The following SREBF2 variants were observed in gnomAD, a reference collection of about 807,000 sequenced individuals.
SREBF2 encodes sterol regulatory element binding transcription factor 2.
A neutral mutation model predicts 113.1 loss-of-function variants in SREBF2; 55 were observed. That is an observed-to-expected ratio of 0.49 (90% CI 0.39 to 0.61). The LOEUF (loss-of-function observed/expected upper bound fraction) is 0.61. Among genes scored for constraint, SREBF2 ranks in the 20% least tolerant of loss-of-function variants. The pLI is 0.00. For missense variants in SREBF2, 1,349 were observed against 1,487.4 expected (o/e 0.91, Z 1.53); for synonymous variants, 593 against 605.7 (o/e 0.98, Z 0.31).
At chr22:41,835,530 C>T (rs1156733502) in intron 1 of SREBF2, among the ~76,000 whole-genome samples, 2 of 152,010 alleles carry the variant, frequency 1.3e-5, no homozygotes, top group Admixed American at 6.6e-5. Flanking sequence ...GGCTGGTCTC[C>T]AACTCCCAAC....
Position 41,906,190 on chromosome 22 carries a change from C to G in SREBF2, c.*530C>G. ...TTGATTCTCTCCCTGGGTCTGCGTT[C>G]CCTCCCCTGGGCCTGACTGAGCCTG... On this transcript the variant is annotated 3_prime_UTR_variant, in exon 19 of 19. Coordinates refer to ENST00000361204, the MANE Select transcript of SREBF2 (RefSeq NM_004599.4). The G allele has an allele frequency of 2.8e-6, 1 of 358,774 alleles. No individual in the cohort carries two copies. Among genetic ancestry groups the G allele is most frequent in the Middle Eastern group, 8.5e-4 (1 of 1,172 alleles). The allele number at this position is 358,774 out of a possible 1,614,324, so 22.2% of individuals were successfully genotyped here.
chr22:41,896,014 G>A (rs927025360), intron 13 of SREBF2, among the ~76,000 whole-genome samples: 7 of 151,986 alleles, frequency 4.6e-5, no homozygotes, highest in African/African-American at 1.7e-4. Flanking sequence ...GGTGGCGGGC[G>A]CCTGTGGTCC....
chr22:41,845,384 G>T (rs1201122573), intron 1 of SREBF2, among the ~76,000 whole-genome samples: 1 of 152,202 alleles, frequency 6.6e-6, no homozygotes, highest in Non-Finnish European at 1.5e-5. Context: ...CTATGAAAAT[G>T]AGGTGGGAGA....
chr22:41,846,107 G>A (rs558367146), intron 1 of SREBF2, among the ~76,000 whole-genome samples: 4 of 152,294 alleles, frequency 2.6e-5, no homozygotes, highest in Admixed American at 6.5e-5. Context: ...TGTGCTGTTC[G>A]TTATCTTCCA....
chr22:41,884,985 T>C lies in SREBF2; in HGVS notation c.2182T>C (p.Cys728Arg), dbSNP rs1296603990. The C allele has an allele frequency of 6.2e-7, 1 of 1,614,042 alleles. No homozygotes were observed. The highest frequency in any genetic ancestry group is 8.5e-7 in the Non-Finnish European group (1 of 1,180,006). ...LTAAMGLKTRCGGKLGFLASY... is the reference protein window; with the variant it reads ...LTAAMGLKTRRGGKLGFLASY... ...TGCTGCCATGGGGCTCAAGACCCGG[T>C]GTGGAGGCAAGCTGGGCTTCCTGGC... is the stretch of plus-strand genomic sequence containing the variant. The change falls in exon 11 of 19, where the codon TGT (cysteine) becomes CGT (arginine). Residue 728 changes from cysteine to arginine, a missense_variant. Coordinates refer to ENST00000361204, the MANE Select transcript of SREBF2 (RefSeq NM_004599.4).
At chr22:41,840,627 G>A (rs1421877499) in intron 1 of SREBF2, among the ~76,000 whole-genome samples, 1 of 152,228 alleles carries the variant, frequency 6.6e-6, no homozygotes, top group Non-Finnish European at 1.5e-5. Flanking sequence ...AGAGTTTTAT[G>A]TCAGAATTTT....
At position 41,903,059 on chromosome 22, in the gene SREBF2, G is replaced by T; in HGVS notation, c.2997G>T (p.Glu999Asp). Residue 999 changes from glutamate to aspartate, a missense_variant, in exon 17 of 19, where the codon GAG (glutamate) becomes GAT (aspartate). By Grantham distance (45) the Glu-to-Asp change is conservative. Coordinates refer to ENST00000361204, the MANE Select transcript of SREBF2 (RefSeq NM_004599.4). ...KQASASQAVG[E>D]TYHASGAELA... ...CCAGTGCCAGCCAGGCTGTGGGGGA[G>T]ACCTACCACGCGTCAGGCGCTGAAC... 1 of 1,604,756 alleles carries T rather than the reference G, an allele frequency of 6.2e-7. No individual in the cohort carries two copies. The highest frequency in any genetic ancestry group is 8.5e-7 in the Non-Finnish European group (1 of 1,175,904).
rs562507436 is a variant in SREBF2, at chr22:41,907,144, G to C, written c.*1484G>C. The C allele has an allele frequency of 2.0e-5, 3 of 152,288 alleles. No individual in the cohort carries two copies. The highest frequency in any genetic ancestry group is 2.9e-5 in the Non-Finnish European group (2 of 68,120). The allele number at this position is 152,288 out of a possible 1,614,324, so 9.4% of individuals were successfully genotyped here. A position where few individuals can be genotyped will look rare whatever the true frequency, so the allele number is the denominator to read the frequency against. On this transcript the variant is annotated 3_prime_UTR_variant, in exon 19 of 19. Coordinates refer to ENST00000361204, the MANE Select transcript of SREBF2 (RefSeq NM_004599.4). The stretch of plus-strand genomic sequence containing the variant: ...TGTAATTTATGGACCCTGCCCGCCT[G>C]CGTGTTGTGTGTATGTCCTGTGCCT...
In SREBF2 at chr22:41,903,297, C is replaced by T. The variant is rs2077480566; in HGVS notation, c.3093+142C>T. ...TGACCTGTCGAGCACCTGCTTGGCT[C>T]GTGCCCAACACTGGGCTAGGCGCCA... On this transcript the variant is annotated intron_variant, in intron 17 of 18. Transcript: ENST00000361204. The T allele has an allele frequency of 6.9e-6, 7 of 1,018,226 alleles. No homozygotes were observed. In the South Asian group the frequency reaches 7.0e-5, roughly 10 times the overall value. The allele number at this position is 1,018,226 out of a possible 1,614,324, so 63.1% of individuals were successfully genotyped here.
At chr22:41,905,409 C>A (rs1485960005) in intron 18 of SREBF2, 31 bp from the exon 19 acceptor site, 3 of 1,544,378 alleles carry the variant, frequency 1.9e-6, no homozygotes, top group African/African-American at 1.4e-5. Flanking sequence ...ATGGTAGATT[C>A]TCGGTTGTGA....
At chr22:41,890,497 G>A (rs941038927) in intron 11 of SREBF2, among the ~76,000 whole-genome samples, 4 of 152,162 alleles carry the variant, frequency 2.6e-5, no homozygotes, top group African/African-American at 7.2e-5. Flanking sequence ...ACACAACCTG[G>A]GGTTGGGACT....
At position 41,867,182 on chromosome 22, in the gene SREBF2, A is replaced by C; in HGVS notation, c.440A>C (p.Gln147Pro). ...PQPQPQTQLQQQTVMITPTFS... is the reference protein window; with the variant it reads ...PQPQPQTQLQPQTVMITPTFS... ...CCTCAACCTCAAACTCAGCTGCAAC[A>C]ACAGACGGTAATGATCACGCCAACA... is the stretch of plus-strand genomic sequence containing the variant. Residue 147 changes from glutamine (Q) to proline (P), a missense_variant, in exon 2 of 19, where the codon CAA becomes CCA. By Grantham distance (76) the Gln-to-Pro change is moderately conservative. Coordinates refer to ENST00000361204, the MANE Select transcript of SREBF2 (RefSeq NM_004599.4). 6.2e-7 allele frequency: 1 copy of C among 1,614,158 alleles called. No individual in the cohort carries two copies. Among genetic ancestry groups the C allele is most frequent in the South Asian group, 1.1e-5 (1 of 91,086 alleles).
chr22:41,892,180 C>T (rs560613619), intron 11 of SREBF2, among the ~76,000 whole-genome samples: 1 of 152,308 alleles, frequency 6.6e-6, no homozygotes, highest in Non-Finnish European at 1.5e-5. Flanking sequence ...CTTGCCTGTA[C>T]AGGGCCTGGG....
At chr22:41,844,033 T>C (rs5996075) in intron 1 of SREBF2, among the ~76,000 whole-genome samples, 17,052 of 122,838 alleles carry the variant, frequency 0.14, 1,343 homozygotes, top group South Asian at 0.18. Flanking sequence ...AAAAAATACA[T>C]ACACACACAC....
chr22:41,899,497 T>C (rs1440523251), intron 15 of SREBF2: 1 of 993,136 alleles, frequency 1.0e-6, no homozygotes, highest in South Asian at 4.5e-5. Context: ...GAGCCAAGGC[T>C]GTAGCATTTC....
At chr22:41,854,950 A>G (rs1422658378) in intron 1 of SREBF2, among the ~76,000 whole-genome samples, 1 of 151,670 alleles carries the variant, frequency 6.6e-6, no homozygotes, top group Non-Finnish European at 1.5e-5. Flanking sequence ...CCGACCTTGA[A>G]TTCCTAGGTT....
rs756644277 is a variant in SREBF2, at chr22:41,903,064, A to G, written c.3002A>G (p.Tyr1001Cys). The G allele has an allele frequency of 5.6e-6, 9 of 1,602,174 alleles. No individual in the cohort carries two copies. Among genetic ancestry groups the G allele is most frequent in the Non-Finnish European group, 7.7e-6 (9 of 1,174,608 alleles). Residue 1001 changes from tyrosine (Y) to cysteine (C), a missense_variant, in exon 17 of 19, where the codon TAC (tyrosine) becomes TGC (cysteine). Tyr to Cys is a radical substitution (Grantham distance 194, BLOSUM62 -2). This residue lies in a region of SREBF2 where 650 missense variants were observed against 644.1 expected (regional missense o/e 1.01). Coordinates refer to ENST00000361204, the MANE Select transcript of SREBF2 (RefSeq NM_004599.4). ...ASASQAVGET[Y>C]HASGAELAGF... Reference sequence around the variant, plus strand: ...GCCAGCCAGGCTGTGGGGGAGACCTACCACGCGTCAGGCGCTGAACTGGCG... The same window carrying G: ...GCCAGCCAGGCTGTGGGGGAGACCTGCCACGCGTCAGGCGCTGAACTGGCG...
At chr22:41,868,852 T>C in intron 3 of SREBF2, 60 bp downstream of exon 3, 1 of 1,551,984 alleles carries the variant, frequency 6.4e-7, no homozygotes, top group South Asian at 1.2e-5. Flanking sequence ...GGTCCTTGGT[T>C]GAAGATGTGG....
chr22:41,877,363 C>T lies in SREBF2; in HGVS notation c.1521C>T (p.His507=), dbSNP rs752116473. The T allele has an allele frequency of 2.1e-5, 34 of 1,614,128 alleles. 1 individual carries two copies. Among genetic ancestry groups the T allele is most frequent in the South Asian group, 1.5e-4 (14 of 91,088 alleles). The change falls in exon 8 of 19, where the codon CAC becomes CAT. Residue 507 remains histidine, a synonymous_variant. Transcript: ENST00000361204. Reference sequence around the variant, plus strand: ...CCCTGCTGCAGTGGGGAGGGGCCCACGACTCTGACCAGCACCCACACTCAG... The same window carrying T: ...CCCTGCTGCAGTGGGGAGGGGCCCATGACTCTGACCAGCACCCACACTCAG... ...LTSLLQWGGA[H]DSDQHPHSGS...
Sources: allele counts gnomAD v4.1 joint callset (sites outside exome capture counted in the v4.1 genomes callset), GRCh38; gene constraint gnomAD v4.1.1; regional missense constraint gnomAD v4.1.1; transcripts MANE v1.5; gene names NCBI Gene and HGNC (gene_info 2026-07-23, HGNC 2026-07-21).